The following TPD52 variants were observed in gnomAD, a reference collection of about 807,000 sequenced individuals.
TPD52 encodes the protein prostate and colon associated protein.
A neutral mutation model predicts 31.3 loss-of-function variants in TPD52; 17 were observed. That is an observed-to-expected ratio of 0.54 (90% CI 0.37 to 0.82). TPD52 has a LOEUF of 0.82. Ranked by LOEUF, TPD52 falls within the 40% of genes least tolerant of loss-of-function variation. TPD52 has a pLI of 0.00. For synonymous variants in TPD52, 83 were observed against 89.6 expected (o/e 0.93, Z 0.42); for missense variants, 212 against 240.1 (o/e 0.88, Z 0.77).
At position 80,171,385 on chromosome 8, in the gene TPD52, TCCAAGCCC is replaced by T. The variant is rs764770630; in HGVS notation, c.19+32_19+39del. 36 of 1,077,800 alleles carry T rather than the reference TCCAAGCCC, an allele frequency of 3.3e-5. 1 individual carries two copies. In the Admixed American group the frequency reaches 9.2e-4, roughly 27 times the overall value. 66.8% of individuals were successfully genotyped at this position (1,077,800 alleles called of 1,614,324 possible). On this transcript the variant is annotated intron_variant, in intron 1 of 7. Coordinates refer to ENST00000518937, the MANE Select transcript of TPD52 (RefSeq NM_001025253.3). Reference sequence around the variant, plus strand: ...GCCAAAGCCCGAGTCCAAGCCCGAGTCCAAGCCCGAGCCCAAGCCCGCTGGGTCCGCGC... The same window carrying T: ...GCCAAAGCCCGAGTCCAAGCCCGAGTGAGCCCAAGCCCGCTGGGTCCGCGC...
chr8:80,171,063 C>G (rs1812051179), intron 1 of TPD52: 1 of 548,206 alleles, frequency 1.8e-6, no homozygotes. Flanking sequence ...TTCCTGGTTC[C>G]AGTCACTTAC....
At chr8:80,170,930 C>T in intron 1 of TPD52, 9 of 337,870 alleles carry the variant, frequency 2.7e-5, no homozygotes, top group South Asian at 2.0e-4. Flanking sequence ...CCCAAACCCC[C>T]CATGGGTCAT....
chr8:80,130,246 C>A (rs758704479), intron 1 of TPD52, among the ~76,000 whole-genome samples: 8 of 152,164 alleles, frequency 5.3e-5, no homozygotes, highest in Non-Finnish European at 1.0e-4. Context: ...TCACAGAAGT[C>A]AGTATTTCAG....
chr8:80,047,653 G>A (rs180720916), intron 5 of TPD52, among the ~76,000 whole-genome samples: 7 of 152,288 alleles, frequency 4.6e-5, no homozygotes, highest in Non-Finnish European at 1.0e-4. Flanking sequence ...GCATGAAACA[G>A]AGAAAAGTTC....
chr8:80,078,097 T>C lies in TPD52; in HGVS notation c.20-13504A>G, dbSNP rs572510295. Among the ~76,000 whole-genome samples the C allele has an allele frequency of 1.7e-3, 265 of 152,350 alleles. 1 individual carries two copies. The highest frequency in any genetic ancestry group is 3.2e-3 in the Non-Finnish European group (216 of 68,034). ...GGCATTTCTGAATATGGGTTGGTTG[T>C]GTCAAAGGAGTTTAAAACTCCCTAA... is the stretch of plus-strand genomic sequence containing the variant. On this transcript the variant is annotated intron_variant, in intron 1 of 7. Transcript: ENST00000518937.
intron 1 of TPD52, among the ~76,000 whole-genome samples, chr8:80,160,937 C>T (rs1811319780): frequency 6.7e-6 from 1 of 150,262 alleles, no homozygotes; most frequent in Non-Finnish European, 1.5e-5. Flanking sequence ...TGGCACATGC[C>T]TGTAGTCCCA....
chr8:80,163,853 AT>A (rs1293018294), intron 1 of TPD52, among the ~76,000 whole-genome samples: 1 of 137,572 alleles, frequency 7.3e-6, no homozygotes, highest in Non-Finnish European at 1.6e-5. Flanking sequence ...ATTATCAAAA[AT>A]TATAGCTTGG....
chr8:80,152,254 G>A (rs999495401), intron 1 of TPD52, among the ~76,000 whole-genome samples: 4 of 152,050 alleles, frequency 2.6e-5, no homozygotes, highest in African/African-American at 9.7e-5. Context: ...GGGGAGAGAG[G>A]CCAGCCATAT....
At chr8:80,101,172 G>A (rs1008921579) in intron 1 of TPD52, among the ~76,000 whole-genome samples, 9 of 152,238 alleles carry the variant, frequency 5.9e-5, no homozygotes, top group African/African-American at 1.7e-4. Flanking sequence ...TTAAGGCCGG[G>A]CGCGGTGGCT....
intron 7 of TPD52, among the ~76,000 whole-genome samples, chr8:80,041,877 C>T (rs1442263493): frequency 1.3e-5 from 2 of 152,110 alleles, no homozygotes; most frequent in Admixed American, 6.5e-5. Context: ...ATCACGAGGT[C>T]AGGAGATGGA....
chr8:80,171,242 C>T (rs1264050423), intron 1 of TPD52, 183 bp downstream of exon 1: 2 of 771,604 alleles, frequency 2.6e-6, no homozygotes, highest in Admixed American at 2.0e-5. Flanking sequence ...CCCGCCAGAG[C>T]CGCTCCTTCC....
At chr8:80,056,436 T>C (rs572387025) in intron 2 of TPD52, among the ~76,000 whole-genome samples, 12 of 152,214 alleles carry the variant, frequency 7.9e-5, no homozygotes, top group African/African-American at 2.6e-4. Context: ...ACCAACAGAA[T>C]GGGGAAAATA....
intron 1 of TPD52, among the ~76,000 whole-genome samples, chr8:80,081,968 C>T (rs374131699): frequency 1.1e-4 from 17 of 152,040 alleles, no homozygotes; most frequent in African/African-American, 3.9e-4. Flanking sequence ...CCACTATGCC[C>T]GGCTAATTTT....
intron 1 of TPD52, among the ~76,000 whole-genome samples, chr8:80,170,417 C>A (rs1041368617): frequency 1.3e-5 from 2 of 149,846 alleles, no homozygotes; most frequent in Non-Finnish European, 3.0e-5. Flanking sequence ...CTCAAAAAAA[C>A]AAACAAAAAA....
intron 1 of TPD52, among the ~76,000 whole-genome samples, chr8:80,069,052 T>TAGCAATTCAAA (rs1563593720): frequency 4.6e-4 from 70 of 152,266 alleles, no homozygotes; most frequent in African/African-American, 1.3e-3. Context: ...TTCAAATAAG[T>TAGCAATTCAAA]TAGATTATGG....
intron 1 of TPD52, among the ~76,000 whole-genome samples, chr8:80,135,414 C>G (rs190168685): frequency 6.6e-6 from 1 of 152,266 alleles, no homozygotes; most frequent in Admixed American, 6.5e-5. Context: ...CTCACCCTAC[C>G]TGCCCCAGCC....
intron 1 of TPD52, among the ~76,000 whole-genome samples, chr8:80,097,867 G>A (rs1213928470): frequency 6.6e-6 from 1 of 152,178 alleles, no homozygotes; most frequent in African/African-American, 2.4e-5. Flanking sequence ...TCAATGCCTG[G>A]CTTCAATGCT....
At chr8:80,152,295 A>G (rs1225753287) in intron 1 of TPD52, among the ~76,000 whole-genome samples, 1 of 152,156 alleles carries the variant, frequency 6.6e-6, no homozygotes, top group African/African-American at 2.4e-5. Flanking sequence ...AGCCAGGCCA[A>G]CCCTTGATAG....
chr8:80,135,749 T>C (rs1005752336), intron 1 of TPD52, among the ~76,000 whole-genome samples: 3 of 147,456 alleles, frequency 2.0e-5, no homozygotes, highest in Non-Finnish European at 3.0e-5. Context: ...CCAACAATGA[T>C]AGACTGGATT....
Sources: allele counts gnomAD v4.1 joint callset (sites outside exome capture counted in the v4.1 genomes callset), GRCh38; gene constraint gnomAD v4.1.1; transcripts MANE v1.5; gene names NCBI Gene and HGNC (gene_info 2026-07-23, HGNC 2026-07-21).